CAB39L: variants seen among roughly 807,000 people sequenced by gnomAD.
CAB39L encodes calcium-binding protein 39-like.
In CAB39L, 23 loss-of-function variants were observed where a neutral mutation model predicts 39.1. The ratio of observed to expected loss-of-function variants is 0.59; its 90% CI spans 0.42 to 0.83. The LOEUF is 0.83. Among genes scored for constraint, CAB39L ranks in the 40% least tolerant of loss-of-function variants. The probability of loss-of-function intolerance (pLI) is 0.00; values close to 1 mark genes in which losing one functional copy is unlikely to be tolerated. For synonymous variants in CAB39L, 126 were observed against 137.2 expected (o/e 0.92, Z 0.57); for missense variants, 366 against 391.9 (o/e 0.93, Z 0.56).
chr13:49,390,396 G>A (rs2181327), intron 3 of CAB39L, among the ~76,000 whole-genome samples: 82,816 of 151,946 alleles, frequency 0.55, 23,962 homozygotes, highest in African/African-American at 0.72. Context: ...ATAGGCGTGA[G>A]CCACTGTGCC....
intron 3 of CAB39L, among the ~76,000 whole-genome samples, chr13:49,426,224 A>G (rs1228011741): frequency 6.6e-6 from 1 of 152,172 alleles, no homozygotes; most frequent in Non-Finnish European, 1.5e-5. Flanking sequence ...TTGGTCAGTC[A>G]CACCATTAGT....
intron 3 of CAB39L, among the ~76,000 whole-genome samples, chr13:49,408,290 T>C (rs939033780): frequency 9.9e-5 from 15 of 152,092 alleles, no homozygotes; most frequent in Admixed American, 9.8e-4. Flanking sequence ...TTAAAACATA[T>C]AGGAACCACA....
chr13:49,334,332 G>A (rs531260526), intron 9 of CAB39L, among the ~76,000 whole-genome samples: 1 of 152,232 alleles, frequency 6.6e-6, no homozygotes, highest in East Asian at 1.9e-4. Flanking sequence ...GATTCCCATA[G>A]ATTTAGAAAA....
chr13:49,432,768 G>C (rs1476164668), intron 3 of CAB39L, among the ~76,000 whole-genome samples: 1 of 152,088 alleles, frequency 6.6e-6, no homozygotes, highest in Non-Finnish European at 1.5e-5. Flanking sequence ...TGTAAATTAA[G>C]GCCCCAAATT....
At chr13:49,392,257 T>C (rs1355110722) in intron 3 of CAB39L, among the ~76,000 whole-genome samples, 5 of 152,200 alleles carry the variant, frequency 3.3e-5, no homozygotes, top group Admixed American at 3.3e-4. Flanking sequence ...CTATTTCATA[T>C]GTATATTAGG....
intron 4 of CAB39L, among the ~76,000 whole-genome samples, chr13:49,378,602 C>T (rs1956164709): frequency 2.7e-5 from 2 of 75,258 alleles, no homozygotes; most frequent in Admixed American, 2.0e-4. Flanking sequence ...GGTCAGCCCT[C>T]CGCCCGGCCA....
chr13:49,440,715 AGTGTGTGT>A (rs56314282), intron 1 of CAB39L, among the ~76,000 whole-genome samples: 7,177 of 135,428 alleles, frequency 0.053, 426 homozygotes, highest in African/African-American at 0.15. Context: ...ATTCCTAGGC[AGTGTGTGT>A]GTGTGTGTGT....
chr13:49,369,910 A>C (rs897411534), intron 5 of CAB39L, among the ~76,000 whole-genome samples: 3 of 57,470 alleles, frequency 5.2e-5, no homozygotes, highest in Non-Finnish European at 1.0e-4. Context: ...TTTTAGGGTG[A>C]TGGAACTGTT....
chr13:49,336,841 C>A (rs913536289), intron 9 of CAB39L, among the ~76,000 whole-genome samples: 1 of 152,186 alleles, frequency 6.6e-6, no homozygotes, highest in African/African-American at 2.4e-5. Flanking sequence ...ACAACCTTAT[C>A]TTCATCTGCT....
intron 10 of CAB39L, among the ~76,000 whole-genome samples, chr13:49,319,768 G>C (rs1250966199): frequency 2.0e-5 from 3 of 149,810 alleles, no homozygotes; most frequent in African/African-American, 7.4e-5. Flanking sequence ...TGAAGTTTTA[G>C]CTAAAAATTG....
At chr13:49,390,172 C>T (rs956771299) in intron 3 of CAB39L, among the ~76,000 whole-genome samples, 5 of 152,126 alleles carry the variant, frequency 3.3e-5, no homozygotes, top group Non-Finnish European at 7.4e-5. Flanking sequence ...CAGGTGTGAG[C>T]CACCACACCT....
intron 3 of CAB39L, among the ~76,000 whole-genome samples, chr13:49,385,883 T>A (rs1956346815): frequency 6.6e-6 from 1 of 152,230 alleles, no homozygotes; most frequent in South Asian, 2.1e-4. Flanking sequence ...AATGAAAAAG[T>A]TTGAAATATT....
At chr13:49,348,449 T>C (rs1478268075) in intron 7 of CAB39L, among the ~76,000 whole-genome samples, 1 of 152,064 alleles carries the variant, frequency 6.6e-6, no homozygotes, top group African/African-American at 2.4e-5. Flanking sequence ...GCGCCCGTGG[T>C]CCCAGCTACC....
At chr13:49,441,660 GT>G (rs1376960735) in intron 1 of CAB39L, among the ~76,000 whole-genome samples, 2 of 152,166 alleles carry the variant, frequency 1.3e-5, no homozygotes, top group African/African-American at 4.8e-5. Context: ...GTTGTTTCCA[GT>G]TTTGGCCATT....
intron 1 of CAB39L, among the ~76,000 whole-genome samples, chr13:49,440,771 A>G (rs1466476851): frequency 6.8e-6 from 1 of 147,964 alleles, no homozygotes; most frequent in Non-Finnish European, 1.5e-5. Flanking sequence ...TGGCTATCGT[A>G]AACAGGACTG....
intron 9 of CAB39L, among the ~76,000 whole-genome samples, chr13:49,338,901 G>C (rs1305449218): frequency 6.6e-6 from 1 of 152,008 alleles, no homozygotes; most frequent in East Asian, 1.9e-4. Context: ...TCAGGGAATG[G>C]GACCTGGTGA....
intron 8 of CAB39L, among the ~76,000 whole-genome samples, chr13:49,343,501 G>C (rs1178990947): frequency 6.6e-6 from 1 of 151,992 alleles, no homozygotes; most frequent in African/African-American, 2.4e-5. Context: ...CCTCTTAGGG[G>C]GTGCAAGGGC....
intron 3 of CAB39L, among the ~76,000 whole-genome samples, chr13:49,401,829 C>CTAATAT (rs554543741): frequency 3.5e-4 from 53 of 152,108 alleles, no homozygotes; most frequent in Non-Finnish European, 6.5e-4. Context: ...GATTCACCTG[C>CTAATAT]TAATATGCTA....
At chr13:49,387,933 GTA>G (rs899561750) in intron 3 of CAB39L, among the ~76,000 whole-genome samples, 3 of 152,192 alleles carry the variant, frequency 2.0e-5, no homozygotes, top group Non-Finnish European at 4.4e-5. Context: ...TAGTGTGCAT[GTA>G]TTCATTCGAA....
Sources: allele counts gnomAD v4.1 joint callset (sites outside exome capture counted in the v4.1 genomes callset), GRCh38; gene constraint gnomAD v4.1.1; transcripts MANE v1.5; gene names NCBI Gene and HGNC (gene_info 2026-07-23, HGNC 2026-07-21).